PPP5C: variants seen among roughly 807,000 people sequenced by gnomAD.
PPP5C encodes the protein serine/threonine-protein phosphatase 5.
PPP5C carries 21 observed loss-of-function variants against 66.7 expected under a neutral mutation model. The observed-to-expected ratio is 0.31, with a 90% CI of 0.22 to 0.45. The LOEUF (loss-of-function observed/expected upper bound fraction) is 0.45, where lower values mean the gene tolerates loss of function less well. PPP5C is among the 20% of genes least tolerant of loss of function. The pLI is 1.00. For missense variants in PPP5C, 464 were observed against 675.9 expected, an observed-to-expected ratio of 0.69 and a Z score of 3.48; for synonymous variants, 246 against 257.4, an observed-to-expected ratio of 0.96 and a Z score of 0.43.
intron 2 of PPP5C, among the ~76,000 whole-genome samples, chr19:46,362,936 C>T (rs750062765): frequency 6.7e-5 from 10 of 149,756 alleles, no homozygotes; most frequent in East Asian, 4.1e-4. Flanking sequence ...TACAGGCGCC[C>T]GCCACCACAC....
intron 4 of PPP5C, chr19:46,382,987 C>G: frequency 9.2e-7 from 1 of 1,088,772 alleles, no homozygotes; most frequent in Admixed American, 4.3e-5. Flanking sequence ...GTTGAAAGCA[C>G]CAGTGTTGCC....
chr19:46,365,686 G>A (rs566233658), intron 2 of PPP5C, among the ~76,000 whole-genome samples: 14 of 152,230 alleles, frequency 9.2e-5, no homozygotes, highest in Middle Eastern at 3.4e-3. Flanking sequence ...ACTCCAACAC[G>A]TCATGCATGG....
At chr19:46,370,934 G>A (rs1972580021) in intron 2 of PPP5C, among the ~76,000 whole-genome samples, 1 of 152,050 alleles carries the variant, frequency 6.6e-6, no homozygotes, top group Non-Finnish European at 1.5e-5. Flanking sequence ...TAGAGATGGG[G>A]TTTCACTATG....
intron 11 of PPP5C, among the ~76,000 whole-genome samples, chr19:46,389,336 CGGGCAAGAGTAAGACTCCATCTCAAA>C (rs1183706850): frequency 1.4e-5 from 2 of 145,150 alleles, no homozygotes; most frequent in Non-Finnish European, 3.0e-5. Context: ...CACACGCACA[CGGGCAAGAGTAAGACTCCATCTCAAA>C]ACACACACAC....
chr19:46,360,597 C>T (rs549028756), intron 2 of PPP5C, among the ~76,000 whole-genome samples: 137 of 151,936 alleles, frequency 9.0e-4, no homozygotes, highest in African/African-American at 3.1e-3. Context: ...GCCTCCTGGG[C>T]TCAATTGATT....
Position 46,390,582 on chromosome 19 carries a change from G to A in PPP5C, c.*236G>A, listed in dbSNP as rs912185446. ...GGAGGTGGAGCAGCTGGGGCTGGGGGCACAGCCTGGGCATTCTGTGGGGAG... is the reference window on the plus strand; with the variant it reads ...GGAGGTGGAGCAGCTGGGGCTGGGGACACAGCCTGGGCATTCTGTGGGGAG... On this transcript the variant is annotated 3_prime_UTR_variant, in exon 13 of 13. Transcript: ENST00000012443. 24 of 1,391,056 alleles carry A rather than the reference G, an allele frequency of 1.7e-5. No individual in the cohort carries two copies. The highest frequency in any genetic ancestry group is 2.9e-5 in the Admixed American group (1 of 33,964). 86.2% of individuals were successfully genotyped at this position (1,391,056 alleles called of 1,614,324 possible).
Position 46,353,744 on chromosome 19 carries a change from G to A in PPP5C, c.122-4G>A, listed in dbSNP as rs751103826. On this transcript the variant is annotated splice_polypyrimidine_tract_variant and splice_region_variant and intron_variant, in intron 1 of 12. Transcript: ENST00000012443. ...GCCTCATGCCTCTTCTTCTGTCTCC[G>A]CAGCCAAGGACTACGAGAACGCCAT... 14 of 1,613,994 alleles carry A rather than the reference G, an allele frequency of 8.7e-6. No individual in the cohort carries two copies. Among genetic ancestry groups the A allele is most frequent in the African/African-American group, 1.3e-5 (1 of 75,062 alleles).
rs763904232 is a variant in PPP5C, at chr19:46,375,993, G to A, written c.511+242G>A. ...CTGCCATTTCACGGGCCCTTCCTCC[G>A]GGTAGTAGCACAGTCCCCACAGGCT... On this transcript the variant is annotated intron_variant, in intron 3 of 12. Coordinates refer to ENST00000012443, the MANE Select transcript of PPP5C (RefSeq NM_006247.4). 9.2e-5 allele frequency among the ~76,000 whole-genome samples: 14 copies of A among 152,254 alleles called. 1 individual carries two copies. The South Asian group carries it at 1.7e-3, about 18-fold the overall frequency.
chr19:46,390,215 G>T, intron 12 of PPP5C, 69 bp from the exon 13 acceptor site: 1 of 1,605,780 alleles, frequency 6.2e-7, no homozygotes, highest in South Asian at 1.1e-5. Flanking sequence ...GGCAGGGGTA[G>T]GTTCTGCCGG....
intron 1 of PPP5C, among the ~76,000 whole-genome samples, chr19:46,347,950 A>C (rs1453398111): frequency 2.0e-5 from 3 of 151,680 alleles, no homozygotes; most frequent in East Asian, 3.9e-4. Flanking sequence ...GAAAAAAAAA[A>C]AAACAAAAAA....
intron 6 of PPP5C, chr19:46,384,090 T>G: frequency 1.8e-6 from 1 of 570,424 alleles, no homozygotes; most frequent in South Asian, 2.1e-5. Context: ...AGCACCCACC[T>G]GCTGTGTGAC....
intron 1 of PPP5C, among the ~76,000 whole-genome samples, chr19:46,348,468 C>A (rs1208090280): frequency 6.6e-6 from 1 of 152,074 alleles, no homozygotes; most frequent in Non-Finnish European, 1.5e-5. Flanking sequence ...CGCACACCAC[C>A]ATGCCCAGAT....
intron 11 of PPP5C, 127 bp from the exon 12 acceptor site, chr19:46,389,916 CTCTGTCCA>C (rs753014860): frequency 8.0e-5 from 59 of 735,092 alleles, no homozygotes; most frequent in Middle Eastern, 2.4e-4. Context: ...ATCTCTGTCT[CTCTGTCCA>C]TCTGTGTCTG....
intron 1 of PPP5C, 54 bp from the exon 2 acceptor site, chr19:46,353,694 C>T (rs1972232162): frequency 6.2e-7 from 1 of 1,607,182 alleles, no homozygotes. Flanking sequence ...CAGCCCAGGG[C>T]CTGTCCTCGC....
At chr19:46,389,448 C>T (rs1972967680) in intron 11 of PPP5C, among the ~76,000 whole-genome samples, 1 of 107,200 alleles carries the variant, frequency 9.3e-6, no homozygotes, top group Non-Finnish European at 2.0e-5. Context: ...CACACACACA[C>T]ACACACACAC....
chr19:46,358,908 G>A (rs974225726), intron 2 of PPP5C, among the ~76,000 whole-genome samples: 2 of 152,110 alleles, frequency 1.3e-5, no homozygotes, highest in South Asian at 2.1e-4. Flanking sequence ...CAGTGGCTTC[G>A]GGGGATGAGT....
Position 46,384,454 on chromosome 19 carries a change from G to A in PPP5C, c.799-350G>A, listed in dbSNP as rs10416198. ...TATGCATTGTTGAGTGGGAGGGCCC[G>A]TGTCCCATCTCCCCCATGGCTCCAG... is the stretch of plus-strand genomic sequence containing the variant. On this transcript the variant is annotated intron_variant, in intron 6 of 12. Coordinates refer to ENST00000012443, the MANE Select transcript of PPP5C (RefSeq NM_006247.4). 6.3e-3 allele frequency: 1,869 copies of A among 298,122 alleles called. 46 individuals are homozygous for A. The highest frequency in any genetic ancestry group is 0.037 in the African/African-American group (1,724 of 47,168). 18.5% of individuals were successfully genotyped at this position (298,122 alleles called of 1,614,324 possible). A position where few individuals can be genotyped will look rare whatever the true frequency, so the allele number is the denominator to read the frequency against.
At chr19:46,355,459 C>T (rs975796994) in intron 2 of PPP5C, among the ~76,000 whole-genome samples, 2 of 152,052 alleles carry the variant, frequency 1.3e-5, no homozygotes, top group Non-Finnish European at 2.9e-5. Flanking sequence ...TGGCTGTTGG[C>T]CGCTGGCCTG....
intron 2 of PPP5C, among the ~76,000 whole-genome samples, chr19:46,373,301 G>A (rs1206662831): frequency 3.9e-5 from 6 of 152,268 alleles, no homozygotes; most frequent in African/African-American, 1.4e-4. Context: ...GCGCAGTTTC[G>A]CCTGGGAGAG....
Sources: allele counts gnomAD v4.1 joint callset (sites outside exome capture counted in the v4.1 genomes callset), GRCh38; gene constraint gnomAD v4.1.1; transcripts MANE v1.5; gene names NCBI Gene and HGNC (gene_info 2026-07-23, HGNC 2026-07-21).